The following TAOK3 variants were observed in gnomAD, a reference collection of about 807,000 sequenced individuals.
TAOK3 encodes the protein TAO kinase 3.
TAOK3 carries 40 observed loss-of-function variants against 120.4 expected under a neutral mutation model. The observed-to-expected ratio is 0.33, with a 90% CI of 0.26 to 0.43. TAOK3 has a LOEUF of 0.43. Ranked by LOEUF, TAOK3 falls within the 20% of genes least tolerant of loss-of-function variation. The probability of loss-of-function intolerance (pLI) is 1.00; values close to 1 mark genes in which losing one functional copy is unlikely to be tolerated. For missense variants in TAOK3, 821 were observed against 1,112.1 expected, an observed-to-expected ratio of 0.74 and a Z score of 3.72; for synonymous variants, 355 against 387.5, an observed-to-expected ratio of 0.92 and a Z score of 0.99.
At chr12:118,307,744 T>G (rs917099037) in intron 1 of TAOK3, among the ~76,000 whole-genome samples, 1 of 152,144 alleles carries the variant, frequency 6.6e-6, no homozygotes, top group Non-Finnish European at 1.5e-5. Context: ...AGTTCTTTCC[T>G]TAAAAAACAA....
Position 118,315,668 on chromosome 12 carries a change from A to G in TAOK3, c.-193-48909T>C, listed in dbSNP as rs1479171096. On this transcript the variant is annotated intron_variant, in intron 1 of 20. Coordinates refer to ENST00000392533, the MANE Select transcript of TAOK3 (RefSeq NM_016281.4). ...TATTGGTTATATTCTGCAAGTTTGA[A>G]ATATTTTGTTAACATTTTTAAAAAG... Among the ~76,000 whole-genome samples, 3 of 152,192 alleles carry G rather than the reference A, an allele frequency of 2.0e-5. No individual in the cohort carries two copies. The East Asian group carries it at 5.8e-4, about 29-fold the overall frequency.
chr12:118,308,930 CCAAA>C (rs1301947661), intron 1 of TAOK3, among the ~76,000 whole-genome samples: 2 of 36,740 alleles, frequency 5.4e-5, no homozygotes, highest in African/African-American at 2.3e-4. Flanking sequence ...AACTCTGTCT[CCAAA>C]AAAAAAAAAA....
chr12:118,297,201 G>A (rs2042715849), intron 1 of TAOK3: 1 of 152,114 alleles, frequency 6.6e-6, no homozygotes, highest in African/African-American at 2.4e-5. Context: ...AAATAAATAA[G>A]AATAGAATGC....
chr12:118,324,390 A>G (rs1310072122), intron 1 of TAOK3, among the ~76,000 whole-genome samples: 2 of 152,200 alleles, frequency 1.3e-5, no homozygotes, highest in African/African-American at 4.8e-5. Flanking sequence ...GAACATTCCA[A>G]TTCCACTCTC....
chr12:118,332,759 A>AG (rs2044204304), intron 1 of TAOK3, among the ~76,000 whole-genome samples: 1 of 152,232 alleles, frequency 6.6e-6, no homozygotes, highest in Admixed American at 6.5e-5. Flanking sequence ...ATCAACTTAA[A>AG]GCAGTTCCTT....
At chr12:118,301,920 G>T (rs1164786886) in intron 1 of TAOK3, among the ~76,000 whole-genome samples, 1 of 151,906 alleles carries the variant, frequency 6.6e-6, no homozygotes, top group Non-Finnish European at 1.5e-5. Context: ...AAGGCTGGGG[G>T]TTATATTATG....
intron 11 of TAOK3, among the ~76,000 whole-genome samples, chr12:118,210,145 AG>A (rs1280200002): frequency 6.6e-6 from 1 of 152,150 alleles, no homozygotes; most frequent in African/African-American, 2.4e-5. Flanking sequence ...ATTTACCATC[AG>A]CCCTTTTACC....
intron 1 of TAOK3, among the ~76,000 whole-genome samples, chr12:118,308,930 C>CAAAAAA (rs1208470509): frequency 5.4e-5 from 2 of 36,730 alleles, no homozygotes; most frequent in Admixed American, 4.3e-4. Flanking sequence ...AACTCTGTCT[C>CAAAAAA]CAAAAAAAAA....
chr12:118,369,898 C>T (rs1008707699), intron 1 of TAOK3, among the ~76,000 whole-genome samples: 4 of 151,966 alleles, frequency 2.6e-5, no homozygotes, highest in African/African-American at 9.7e-5. Flanking sequence ...CTTTTTGAGA[C>T]GGAGTCCTGC....
At chr12:118,363,646 C>T (rs781699313) in intron 1 of TAOK3, among the ~76,000 whole-genome samples, 4 of 151,796 alleles carry the variant, frequency 2.6e-5, no homozygotes, top group South Asian at 4.2e-4. Context: ...AGGCATACTA[C>T]GTAAAAGAAA....
At chr12:118,208,814 T>C (rs1369684845) in intron 11 of TAOK3, among the ~76,000 whole-genome samples, 3 of 152,102 alleles carry the variant, frequency 2.0e-5, no homozygotes, top group Non-Finnish European at 2.9e-5. Flanking sequence ...CGGGTTCAAG[T>C]GATTCTCCTG....
chr12:118,275,115 CT>C (rs1018362585), intron 1 of TAOK3, among the ~76,000 whole-genome samples: 2 of 151,866 alleles, frequency 1.3e-5, no homozygotes, highest in South Asian at 2.1e-4. Flanking sequence ...TGCACTATAA[CT>C]TTTTTTTCAT....
intron 1 of TAOK3, among the ~76,000 whole-genome samples, chr12:118,273,769 T>A (rs1056237097): frequency 6.6e-6 from 1 of 151,906 alleles, no homozygotes; most frequent in Non-Finnish European, 1.5e-5. Context: ...TGAGCCGAGA[T>A]CGTGCCATTG....
In TAOK3 at chr12:118,161,026, C is replaced by T. The variant is rs2035186024; in HGVS notation, c.2140-668G>A. Among the ~76,000 whole-genome samples, 2 of 152,218 alleles carry T rather than the reference C, an allele frequency of 1.3e-5. No individual in the cohort carries two copies. The highest frequency in any genetic ancestry group is 4.8e-5 in the African/African-American group (2 of 41,508). On this transcript the variant is annotated intron_variant, in intron 18 of 20. Transcript: ENST00000392533. The surrounding 1 kb of genome is among the most constrained non-coding windows in gnomAD (Gnocchi z 4.5). ...GAAGGTAGAGTATATTATTTTGAGC[C>T]CAGAAGGCATTCCATCAGGTTGCCC...
intron 1 of TAOK3, among the ~76,000 whole-genome samples, chr12:118,285,195 A>G (rs1265602305): frequency 6.6e-6 from 1 of 152,056 alleles, no homozygotes; most frequent in African/African-American, 2.4e-5. Context: ...GGTGCACGCC[A>G]CCATACCTGG....
intron 9 of TAOK3, among the ~76,000 whole-genome samples, chr12:118,219,146 C>T (rs182080431): frequency 1.8e-4 from 28 of 152,270 alleles, no homozygotes; most frequent in African/African-American, 6.5e-4. Context: ...TCATGCTTTA[C>T]GTGTGCTTCA....
intron 6 of TAOK3, among the ~76,000 whole-genome samples, chr12:118,238,624 A>T (rs1484419132): frequency 1.3e-5 from 2 of 150,984 alleles, no homozygotes; most frequent in African/African-American, 4.9e-5. Context: ...TCAGAGATCA[A>T]CAGTGATTTA....
At chr12:118,353,865 AT>A (rs578128040) in intron 1 of TAOK3, among the ~76,000 whole-genome samples, 43 of 150,346 alleles carry the variant, frequency 2.9e-4, no homozygotes, top group Middle Eastern at 3.4e-3. Context: ...ACGGCTAAAC[AT>A]TTTTTTTTTC....
rs1341454846 is a variant in TAOK3, at chr12:118,160,756, CTG to C, written c.2140-400_2140-399del. Among the ~76,000 whole-genome samples the C allele has an allele frequency of 3.3e-5, 5 of 150,582 alleles. No individual in the cohort carries two copies. Among genetic ancestry groups the C allele is most frequent in the African/African-American group, 7.3e-5 (3 of 41,032 alleles). On this transcript the variant is annotated intron_variant, in intron 18 of 20. Transcript: ENST00000392533. The surrounding 1 kb of genome is among the most constrained non-coding windows in gnomAD (Gnocchi z 4.2). ...GTTTTTCCCCCCTTTTTTTTTGTTTCTGTGTTTCACCCTGTTTTCAAGTGAGA... is the reference window on the plus strand; with the variant it reads ...GTTTTTCCCCCCTTTTTTTTTGTTTCTGTTTCACCCTGTTTTCAAGTGAGA...
Sources: allele counts gnomAD v4.1 joint callset (sites outside exome capture counted in the v4.1 genomes callset), GRCh38; gene constraint gnomAD v4.1.1; non-coding constraint Gnocchi (gnomAD v3.1); transcripts MANE v1.5; gene names NCBI Gene and HGNC (gene_info 2026-07-23, HGNC 2026-07-21).